Variants in HAS2 observed in about 807,000 individuals in gnomAD.
The protein encoded by HAS2 is hyaluronan synthase 2, also known as HA synthase 2.
HAS2 carries 16 observed loss-of-function variants against 51.6 expected under a neutral mutation model. That is an observed-to-expected ratio of 0.31 (90% CI 0.21 to 0.47). The LOEUF (loss-of-function observed/expected upper bound fraction) is 0.47, where lower values mean the gene tolerates loss of function less well. Ranked by LOEUF, HAS2 falls within the 20% of genes least tolerant of loss-of-function variation. The pLI is 1.00. For missense variants in HAS2, 361 were observed against 662.6 expected (o/e 0.54, Z 5.00); for synonymous variants, 228 against 235.5 (o/e 0.97, Z 0.29).
chr8:121,627,857 C>T (rs1409887275), intron 2 of HAS2, among the ~76,000 whole-genome samples: 2 of 152,086 alleles, frequency 1.3e-5, no homozygotes, highest in African/African-American at 2.4e-5. Flanking sequence ...TTTCTTAAAC[C>T]GGAGACATTT....
At position 121,628,828 on chromosome 8, in the gene HAS2, T is replaced by C; in HGVS notation, c.513A>G (p.Val171=). The change falls in exon 2 of 4, where the codon GTA becomes GTG. Residue 171 remains valine (V), a synonymous_variant. Coordinates refer to ENST00000303924, the MANE Select transcript of HAS2 (RefSeq NM_005328.3). The part of the protein sequence containing the change: ...DESHKESSQH[V]TQLVLSNKSI... ...TTTTGTTGGACAAGACCAATTGCGT[T>C]ACGTGTTGCGAGCTTTCTTTATGTG... 1 of 1,614,180 alleles carries C rather than the reference T, an allele frequency of 6.2e-7. No individual in the cohort carries two copies. Among genetic ancestry groups the C allele is most frequent in the Non-Finnish European group, 8.5e-7 (1 of 1,180,002 alleles).
chr8:121,618,691 T>C (rs996725451), intron 2 of HAS2, among the ~76,000 whole-genome samples: 1 of 152,210 alleles, frequency 6.6e-6, no homozygotes, highest in East Asian at 1.9e-4. Flanking sequence ...ATCAGAATTG[T>C]CATGTGATTA....
chr8:121,634,178 G>A (rs1342933297), intron 1 of HAS2, among the ~76,000 whole-genome samples: 1 of 152,000 alleles, frequency 6.6e-6, no homozygotes, highest in African/African-American at 2.4e-5. Context: ...CCTGACCTCA[G>A]GTGATCCACC....
rs1812667546 is a variant in HAS2, at chr8:121,613,851, ATGCACAG to A, written c.*251_*257del. ...TATAGGGCAAAACACTTTCAGGCGG[ATGCACAG>A]TAAGGAAAAAGTGCATAAACAAAGA... On this transcript the variant is annotated 3_prime_UTR_variant, in exon 4 of 4. Transcript: ENST00000303924. 1.9e-6 allele frequency: 1 copy of A among 522,142 alleles called. No individual in the cohort carries two copies. The highest frequency in any genetic ancestry group is 1.9e-5 in the African/African-American group (1 of 52,240). 32.3% of individuals were successfully genotyped at this position (522,142 alleles called of 1,614,324 possible). A position where few individuals can be genotyped will look rare whatever the true frequency, so the allele number is the denominator to read the frequency against.
intron 2 of HAS2, among the ~76,000 whole-genome samples, chr8:121,625,318 A>T (rs1239102146): frequency 6.6e-6 from 1 of 152,260 alleles, no homozygotes; most frequent in South Asian, 2.1e-4. Flanking sequence ...ACATGCTGCC[A>T]TAAGCCTGTG....
In HAS2 at chr8:121,614,384, C is replaced by G; in HGVS notation, c.1384G>C (p.Gly462Arg). Residue 462 changes from glycine (G) to arginine (R), a missense_variant, in exon 4 of 4, where the codon GGG becomes CGG. Physicochemically the swap from Gly to Arg is moderately radical, Grantham distance 125 (BLOSUM62 -2). Around this residue, in one of 5 missense-constraint regions of HAS2, gnomAD observed 106 missense variants for 241.0 expected, o/e 0.44. Coordinates refer to ENST00000303924, the MANE Select transcript of HAS2 (RefSeq NM_005328.3). This position sits in a 1 kb window ranked among gnomAD's most constrained non-coding sequence, Gnocchi z 7.2. ...MFAIATINKA[G>R]WGTSGRKTIV... ...GTTTTCCTTCCTGATGTGCCCCACC[C>G]AGCTTTGTTTATTGTTGCAATTGCA... 6.2e-7 allele frequency: 1 copy of G among 1,614,130 alleles called. No individual in the cohort carries two copies. The highest frequency in any genetic ancestry group is 8.5e-7 in the Non-Finnish European group (1 of 1,180,014).
At chr8:121,628,159 A>AT (rs1034495429) in intron 2 of HAS2, among the ~76,000 whole-genome samples, 8 of 150,884 alleles carry the variant, frequency 5.3e-5, no homozygotes, top group East Asian at 3.9e-4. Context: ...TTGCTCGAAG[A>AT]TTTTTTTTTC....
intron 2 of HAS2, among the ~76,000 whole-genome samples, chr8:121,623,242 A>G (rs1313099692): frequency 6.6e-6 from 1 of 152,168 alleles, no homozygotes; most frequent in East Asian, 1.9e-4. Context: ...TTAAAGTGAA[A>G]AAAAGGAGTC....
At chr8:121,628,571 C>T (rs986532506) in intron 2 of HAS2, 143 bp downstream of exon 2, 3 of 727,974 alleles carry the variant, frequency 4.1e-6, no homozygotes, top group Non-Finnish European at 6.7e-6. Context: ...AATGTGCTTT[C>T]AACAGTCATG....
At chr8:121,629,925 T>C (rs1347685770) in intron 1 of HAS2, among the ~76,000 whole-genome samples, 1 of 152,184 alleles carries the variant, frequency 6.6e-6, no homozygotes, top group Non-Finnish European at 1.5e-5. Context: ...TGTGTGACCT[T>C]GGGTGAGTCA....
intron 1 of HAS2, among the ~76,000 whole-genome samples, chr8:121,630,240 A>G (rs1812912424): frequency 6.6e-6 from 1 of 152,170 alleles, no homozygotes; most frequent in Admixed American, 6.6e-5. Context: ...TAACATCATG[A>G]TTTATTTCAG....
chr8:121,619,815 C>A (rs1011197241), intron 2 of HAS2, among the ~76,000 whole-genome samples: 12 of 152,152 alleles, frequency 7.9e-5, no homozygotes, highest in African/African-American at 2.7e-4. Context: ...CCACACCCAC[C>A]TCTGTTGACT....
At chr8:121,615,476 C>T (rs1445394353) in intron 3 of HAS2, among the ~76,000 whole-genome samples, 2 of 152,106 alleles carry the variant, frequency 1.3e-5, no homozygotes, top group Non-Finnish European at 2.9e-5. Context: ...AGGTGCGCGC[C>T]ACCAGGCCTG....
intron 1 of HAS2, among the ~76,000 whole-genome samples, chr8:121,639,114 T>C (rs1331686413): frequency 1.3e-5 from 2 of 152,328 alleles, no homozygotes; most frequent in East Asian, 3.9e-4. Flanking sequence ...AGTGAAGTTG[T>C]CTCCCTCTTA....
chr8:121,635,107 CA>C (rs972156421), intron 1 of HAS2, among the ~76,000 whole-genome samples: 8 of 152,070 alleles, frequency 5.3e-5, no homozygotes, highest in Non-Finnish European at 1.2e-4. Flanking sequence ...ACCAGATTAG[CA>C]AATATTTTGA....
intron 3 of HAS2, among the ~76,000 whole-genome samples, chr8:121,616,848 C>G (rs1351055570): frequency 6.6e-6 from 1 of 152,136 alleles, no homozygotes; most frequent in Non-Finnish European, 1.5e-5. Flanking sequence ...TTTTAAGTTG[C>G]ATATAACTTA....
chr8:121,615,184 TTA>T (rs1324498885), intron 3 of HAS2, 146 bp from the exon 4 acceptor site: 3 of 602,650 alleles, frequency 5.0e-6, no homozygotes, highest in Non-Finnish European at 8.7e-6. Context: ...CGTGGTTATT[TTA>T]TGTTTTCTCT....
chr8:121,612,360 TGA>T lies in HAS2; in HGVS notation c.*1747_*1748del, dbSNP rs1586500032. ...TGTTTTCCACAAGCTCTCCAATCAG[TGA>T]GAGTCTTGAGTCTCAGATGTACCTT... On this transcript the variant is annotated 3_prime_UTR_variant, in exon 4 of 4. Transcript: ENST00000303924. 3 of 152,166 alleles carry T rather than the reference TGA, an allele frequency of 2.0e-5. No individual in the cohort carries two copies. The highest frequency in any genetic ancestry group is 6.5e-5 in the Admixed American group (1 of 15,270). The allele number at this position is 152,166 out of a possible 1,614,324, so 9.4% of individuals were successfully genotyped here. A position where few individuals can be genotyped will look rare whatever the true frequency, so the allele number is the denominator to read the frequency against.
intron 1 of HAS2, among the ~76,000 whole-genome samples, chr8:121,637,638 T>A (rs994407724): frequency 3.3e-5 from 5 of 152,070 alleles, no homozygotes; most frequent in Admixed American, 6.6e-5. Flanking sequence ...TGATCTGCCC[T>A]CCTCAGCCTC....
Sources: allele counts gnomAD v4.1 joint callset (sites outside exome capture counted in the v4.1 genomes callset), GRCh38; gene constraint gnomAD v4.1.1; regional missense constraint gnomAD v4.1.1; non-coding constraint Gnocchi (gnomAD v3.1); transcripts MANE v1.5; gene names NCBI Gene and HGNC (gene_info 2026-07-23, HGNC 2026-07-21).